The following ESRRG variants were observed in gnomAD, a reference collection of about 807,000 sequenced individuals.
ESRRG encodes the protein estrogen-related receptor gamma.
ESRRG carries 13 observed loss-of-function variants against 44.0 expected under a neutral mutation model. The observed-to-expected ratio is 0.30, with a 90% confidence interval of 0.19 to 0.47. ESRRG has a LOEUF of 0.47. ESRRG is among the 20% of genes least tolerant of loss of function. The probability of loss-of-function intolerance (pLI) is 1.00; values close to 1 mark genes in which losing one functional copy is unlikely to be tolerated. For missense variants in ESRRG, 395 were observed against 580.6 expected, an observed-to-expected ratio of 0.68 and a Z score of 3.29; for synonymous variants, 215 against 214.6, an observed-to-expected ratio of 1.00 and a Z score of -0.02.
At chr1:216,727,469 T>G (rs2820878), upstream of ESRRG, among the ~76,000 whole-genome samples, 117,684 of 151,890 alleles carry the variant, frequency 0.77, 45,908 homozygotes, top group South Asian at 0.88. Context: ...CTCACTTATC[T>G]GTCCCTCATT....
chr1:216,719,698 G>GATAC (rs777294195), intron 1 of ESRRG, among the ~76,000 whole-genome samples: 1 of 151,898 alleles, frequency 6.6e-6, no homozygotes, highest in Non-Finnish European at 1.5e-5. Context: ...ACAGAACAAT[G>GATAC]ATACCTTATT....
chr1:216,758,613 A>G (rs2092597773), intron 2 of ESRRG, among the ~76,000 whole-genome samples: 1 of 151,896 alleles, frequency 6.6e-6, no homozygotes, highest in South Asian at 2.1e-4. Flanking sequence ...TGACTGTACT[A>G]TTTTACAAAT....
intron 2 of ESRRG, among the ~76,000 whole-genome samples, chr1:216,847,906 C>A (rs2095782065): frequency 6.6e-6 from 1 of 152,132 alleles, no homozygotes; most frequent in Non-Finnish European, 1.5e-5. Flanking sequence ...CCATTCTTGT[C>A]TCCTGTGGCT....
At chr1:216,803,088 C>T (rs1300571580) in intron 2 of ESRRG, among the ~76,000 whole-genome samples, 1 of 152,034 alleles carries the variant, frequency 6.6e-6, no homozygotes, top group Non-Finnish European at 1.5e-5. Context: ...TGAGAAGGGC[C>T]ACATTTCACC....
intron 2 of ESRRG, among the ~76,000 whole-genome samples, chr1:216,937,272 C>T (rs1241769385): frequency 2.0e-5 from 3 of 152,008 alleles, no homozygotes; most frequent in Non-Finnish European, 4.4e-5. Flanking sequence ...CCGTGATATT[C>T]TGTCTCGTTT....
At chr1:216,977,782 A>G (rs1181078963) in intron 1 of ESRRG, among the ~76,000 whole-genome samples, 1 of 152,172 alleles carries the variant, frequency 6.6e-6, no homozygotes, top group Non-Finnish European at 1.5e-5. Context: ...TAATAGCATT[A>G]AGAGGTGGGG....
chr1:216,851,720 G>A (rs1394749208), intron 2 of ESRRG, among the ~76,000 whole-genome samples: 5 of 152,276 alleles, frequency 3.3e-5, no homozygotes, highest in South Asian at 2.1e-4. Flanking sequence ...ACAGCAGGCC[G>A]AACTAAGACA....
At position 217,053,390 on chromosome 1, in the gene ESRRG, G is replaced by A. The variant is rs149328302; in HGVS notation, c.-106+36117C>T. Among the ~76,000 whole-genome samples, 971 of 151,946 alleles carry A rather than the reference G, an allele frequency of 6.4e-3. 10 individuals are homozygous for A. The highest frequency in any genetic ancestry group is 0.023 in the African/African-American group (933 of 41,422). On this transcript the variant is annotated intron_variant, in intron 1 of 7. Transcript: ENST00000359162. Reference sequence around the variant, plus strand: ...GAATCGCTTGAACCTAGGAGATAGAGGTTGCAGTGAGCCGAGATTGCGCCA... The same window carrying A: ...GAATCGCTTGAACCTAGGAGATAGAAGTTGCAGTGAGCCGAGATTGCGCCA...
chr1:216,609,202 A>G (rs2150280813), intron 3 of ESRRG, among the ~76,000 whole-genome samples: 1 of 152,356 alleles, frequency 6.6e-6, no homozygotes, highest in East Asian at 1.9e-4. Flanking sequence ...ACTTACATTT[A>G]TTCTACATTT....
chr1:216,843,745 G>T (rs954512442), intron 2 of ESRRG, among the ~76,000 whole-genome samples: 2 of 152,022 alleles, frequency 1.3e-5, no homozygotes, highest in East Asian at 1.9e-4. Context: ...CACCTATTGA[G>T]GTACTCTGAA....
chr1:217,057,201 C>T (rs950977397), intron 1 of ESRRG, among the ~76,000 whole-genome samples: 3 of 152,050 alleles, frequency 2.0e-5, no homozygotes, highest in Admixed American at 6.6e-5. Context: ...AGAAAACAGC[C>T]GGGGAATCTC....
At chr1:216,579,601 A>T (rs866895659) in intron 3 of ESRRG, among the ~76,000 whole-genome samples, 1 of 152,144 alleles carries the variant, frequency 6.6e-6, no homozygotes. Flanking sequence ...TGGCTGAAAA[A>T]AGTTTGTATT....
At chr1:216,535,518 A>G (rs1283428839) in intron 5 of ESRRG, among the ~76,000 whole-genome samples, 1 of 152,090 alleles carries the variant, frequency 6.6e-6, no homozygotes, top group Non-Finnish European at 1.5e-5. Context: ...CCCTTGACCT[A>G]CTTCCCTTCT....
rs895817944 is a variant in ESRRG, at chr1:216,590,110, T to C, written c.590-22012A>G. 3.3e-5 allele frequency among the ~76,000 whole-genome samples: 5 copies of C among 152,104 alleles called. No individual in the cohort carries two copies. The South Asian group carries it at 6.2e-4, about 19-fold the overall frequency. On this transcript the variant is annotated intron_variant, in intron 3 of 6. Transcript: ENST00000408911. ...ATGTTTCTTTTTCAATCAATCCTGATGAAAATATATTCAATATCACAGATC... is the reference window on the plus strand; with the variant it reads ...ATGTTTCTTTTTCAATCAATCCTGACGAAAATATATTCAATATCACAGATC...
At position 216,729,605 on chromosome 1, in the gene ESRRG, C is replaced by A. The variant is rs1471895153; in HGVS notation, c.-13-52114G>T. ...CTAAAAGATGTTCCCCTTAAAGTTA[C>A]CATGATGTTTTCTGCGTGGGGATGA... On this transcript the variant is annotated intron_variant, in intron 2 of 7. Coordinates refer to the ESRRG transcript ENST00000359162. Among the ~76,000 whole-genome samples the A allele has an allele frequency of 4.6e-5, 7 of 152,064 alleles. 1 individual carries two copies. The highest frequency in any genetic ancestry group is 1.0e-4 in the Non-Finnish European group (7 of 68,006).
chr1:216,726,777 A>C (rs944957303), upstream of ESRRG, among the ~76,000 whole-genome samples: 1 of 152,158 alleles, frequency 6.6e-6, no homozygotes, highest in Non-Finnish European at 1.5e-5. Context: ...TGCAGTCATA[A>C]ATATCCAAAC....
At position 216,544,735 on chromosome 1, in the gene ESRRG, GTTTGT is replaced by G. The variant is rs55675595; in HGVS notation, c.862+19479_862+19483del. 8.0e-4 allele frequency among the ~76,000 whole-genome samples: 121 copies of G among 151,156 alleles called. 2 individuals carry two copies. The highest frequency in any genetic ancestry group is 7.2e-3 in the Admixed American group (109 of 15,066). ...TCTCAGGTCACCTAGAAAAAACACTGTTTGTTTTGTTTTGTTTTGTTTTGTTTTTG... is the reference window on the plus strand; with the variant it reads ...TCTCAGGTCACCTAGAAAAAACACTGTTTGTTTTGTTTTGTTTTGTTTTTG... On this transcript the variant is annotated intron_variant, in intron 5 of 6. Transcript: ENST00000408911.
At chr1:217,075,763 T>TA (rs1252017311) in intron 1 of ESRRG, among the ~76,000 whole-genome samples, 8 of 152,252 alleles carry the variant, frequency 5.3e-5, no homozygotes, top group South Asian at 2.1e-4. Flanking sequence ...AGATTGATTT[T>TA]AAAAAAAGCT....
intron 1 of ESRRG, among the ~76,000 whole-genome samples, chr1:216,965,296 A>G (rs1176777981): frequency 6.6e-6 from 1 of 152,106 alleles, no homozygotes; most frequent in Non-Finnish European, 1.5e-5. Context: ...GTCAGTCCCT[A>G]AGATGTTCTA....
Sources: gnomAD v4.1 joint callset for allele counts (sites outside exome capture counted in the v4.1 genomes callset) on GRCh38, gnomAD v4.1.1 for gene constraint, MANE v1.5 for transcripts, NCBI Gene and HGNC (gene_info 2026-07-23, HGNC 2026-07-21) for gene names.